Variants in PDZD2 observed in about 807,000 individuals in gnomAD.
The protein encoded by PDZD2 is PDZ domain-containing protein 2.
In PDZD2, 90 loss-of-function variants were observed where a neutral mutation model predicts 220.7. The observed-to-expected ratio is 0.41, with a 90% CI of 0.34 to 0.49. The LOEUF (loss-of-function observed/expected upper bound fraction) is 0.49. PDZD2 is among the 20% of genes least tolerant of loss of function. The probability of loss-of-function intolerance (pLI) is 0.28; values close to 1 mark genes in which losing one functional copy is unlikely to be tolerated. For missense variants in PDZD2, 3,174 were observed against 3,608.5 expected, an observed-to-expected ratio of 0.88 and a Z score of 3.08; for synonymous variants, 1,375 against 1,450.5, an observed-to-expected ratio of 0.95 and a Z score of 1.18.
chr5:31,801,184 G>A (rs910584925), intron 2 of PDZD2, among the ~76,000 whole-genome samples: 7 of 152,198 alleles, frequency 4.6e-5, no homozygotes, highest in Non-Finnish European at 1.0e-4. Flanking sequence ...TGGCTCACAG[G>A]TGTGAGGACT....
At chr5:31,710,478 G>T (rs949233293) in intron 1 of PDZD2, among the ~76,000 whole-genome samples, 1 of 152,138 alleles carries the variant, frequency 6.6e-6, no homozygotes, top group Non-Finnish European at 1.5e-5. Flanking sequence ...TGGTCACCTT[G>T]AGCTTGTTTC....
chr5:31,796,343 G>T (rs551895739), intron 1 of PDZD2, among the ~76,000 whole-genome samples: 1 of 152,170 alleles, frequency 6.6e-6, no homozygotes, highest in East Asian at 1.9e-4. Context: ...AAGTGAGGAC[G>T]GGAAAGCTGT....
chr5:32,080,347 CA>C (rs35491724), intron 19 of PDZD2, among the ~76,000 whole-genome samples: 902 of 54,038 alleles, frequency 0.017, 5 homozygotes, highest in African/African-American at 0.066. Context: ...GACTCCATCT[CA>C]AAAAAAAAAA....
chr5:32,092,758 AGTTTGG>A, intron 20 of PDZD2, 143 bp from the exon 21 acceptor site: 1 of 485,096 alleles, frequency 2.1e-6, no homozygotes, highest in Non-Finnish European at 3.6e-6. Flanking sequence ...TTCTTCCATT[AGTTTGG>A]AATGGAAGTT....
chr5:31,929,936 A>G (rs1018804939), intron 2 of PDZD2, among the ~76,000 whole-genome samples: 6 of 152,088 alleles, frequency 3.9e-5, no homozygotes, highest in Non-Finnish European at 5.9e-5. Context: ...CTGAGCTCCA[A>G]CCCTTTGGTG....
In PDZD2 at chr5:32,097,465, G is replaced by A. The variant is rs186555571; in HGVS notation, c.7947+85G>A. 725 of 817,076 alleles carry A rather than the reference G, an allele frequency of 8.9e-4. 3 individuals carry two copies. The highest frequency in any genetic ancestry group is 1.6e-3 in the Middle Eastern group (7 of 4,512). 50.6% of individuals were successfully genotyped at this position (817,076 alleles called of 1,614,324 possible). ...GATCAGGGCACAAATTCCAATCAGC[G>A]GGTTCAGAGATTGCTGGATTTCATT... On this transcript the variant is annotated intron_variant, in intron 22 of 24. Transcript: ENST00000438447.
chr5:31,791,590 CAAAAAAAAAA>C (rs1157216997), intron 1 of PDZD2, among the ~76,000 whole-genome samples: 5 of 50,444 alleles, frequency 9.9e-5, no homozygotes, highest in Non-Finnish European at 1.9e-4. Flanking sequence ...AACTCCGTCT[CAAAAAAAAAA>C]AAAAAAAAAA....
At chr5:32,060,122 C>T (rs921021864) in intron 13 of PDZD2, among the ~76,000 whole-genome samples, 13 of 152,068 alleles carry the variant, frequency 8.5e-5, no homozygotes, top group South Asian at 2.1e-4. Flanking sequence ...CATTTTGGGG[C>T]CCTGTTAATA....
intron 1 of PDZD2, among the ~76,000 whole-genome samples, chr5:31,722,284 T>G (rs1748855922): frequency 6.6e-6 from 1 of 152,126 alleles, no homozygotes; most frequent in South Asian, 2.1e-4. Context: ...CCTCTCACCT[T>G]GGCTGGCTGG....
chr5:31,974,053 G>A (rs1028783471), intron 2 of PDZD2, among the ~76,000 whole-genome samples: 4 of 152,158 alleles, frequency 2.6e-5, no homozygotes, highest in East Asian at 3.8e-4. Flanking sequence ...CCATCTTGGC[G>A]CTCTGCAGTG....
intron 1 of PDZD2, among the ~76,000 whole-genome samples, chr5:31,782,144 A>C (rs1398838053): frequency 2.0e-5 from 3 of 152,198 alleles, no homozygotes; most frequent in Non-Finnish European, 4.4e-5. Flanking sequence ...ACAGACATGC[A>C]GGTCACAGAC....
At chr5:31,805,849 C>T (rs1035861126) in intron 2 of PDZD2, among the ~76,000 whole-genome samples, 1 of 152,134 alleles carries the variant, frequency 6.6e-6, no homozygotes, top group African/African-American at 2.4e-5. Flanking sequence ...AGGGCAAATT[C>T]GGTCACAGAC....
intron 1 of PDZD2, among the ~76,000 whole-genome samples, chr5:31,767,993 C>T (rs1326523412): frequency 6.6e-6 from 1 of 152,158 alleles, no homozygotes; most frequent in African/African-American, 2.4e-5. Context: ...TCTTTTTTAC[C>T]AGCCAGGCTT....
At chr5:31,812,308 A>G (rs1262382797) in intron 2 of PDZD2, among the ~76,000 whole-genome samples, 8 of 152,212 alleles carry the variant, frequency 5.3e-5, no homozygotes, top group Non-Finnish European at 1.2e-4. Context: ...TTTAAAAAAA[A>G]TTGAGTTTGA....
chr5:31,850,243 T>TATATATATATATAC (rs577432352), intron 2 of PDZD2, among the ~76,000 whole-genome samples: 105 of 122,222 alleles, frequency 8.6e-4, no homozygotes, highest in African/African-American at 3.1e-3. Context: ...TATATATATA[T>TATATATATATATAC]ACACACACAC....
rs756911865 is a variant in PDZD2 at position 32,057,910 on chromosome 5, A to G, written c.2007A>G (p.Val669=). 6.2e-7 allele frequency: 1 copy of G among 1,613,634 alleles called. No homozygotes were observed. Among genetic ancestry groups the G allele is most frequent in the African/African-American group, 1.3e-5 (1 of 74,920 alleles). Residue 669 remains valine (V), a synonymous_variant, in exon 12 of 25, where the codon GTA becomes GTG. Coordinates refer to ENST00000438447, the MANE Select transcript of PDZD2 (RefSeq NM_178140.4). ...QIRSGLFVLT[V]RTKLVSPSLT... Reference sequence around the variant, plus strand: ...GGAGTGGATTATTTGTTTTAACGGTACGCACAAAGTTGGTGAGCCCCAGCC... The same window carrying G: ...GGAGTGGATTATTTGTTTTAACGGTGCGCACAAAGTTGGTGAGCCCCAGCC...
At chr5:31,698,193 C>T (rs1042007009) in intron 1 of PDZD2, among the ~76,000 whole-genome samples, 10 of 150,086 alleles carry the variant, frequency 6.7e-5, no homozygotes, top group African/African-American at 2.2e-4. Flanking sequence ...CGTGAGCCAC[C>T]GCACCCGGCC....
At chr5:31,906,338 C>A (rs1280424144) in intron 2 of PDZD2, among the ~76,000 whole-genome samples, 1 of 150,302 alleles carries the variant, frequency 6.7e-6, no homozygotes, top group Non-Finnish European at 1.5e-5. Flanking sequence ...GCAGTGGTAA[C>A]CCTGACCTCC....
intron 1 of PDZD2, chr5:31,692,778 A>C (rs1460845501): frequency 6.6e-6 from 1 of 152,304 alleles, no homozygotes; most frequent in East Asian, 1.9e-4. Context: ...CGTTGCCAGC[A>C]CCTGAGAGGA....
Sources: allele counts gnomAD v4.1 joint callset (sites outside exome capture counted in the v4.1 genomes callset), GRCh38; gene constraint gnomAD v4.1.1; transcripts MANE v1.5; gene names NCBI Gene and HGNC (gene_info 2026-07-23, HGNC 2026-07-21).